The following UACA variants were observed in gnomAD, a reference collection of about 807,000 sequenced individuals.
UACA encodes the protein uveal autoantigen with coiled-coil domains and ankyrin repeats.
Under a neutral mutation model 160.5 loss-of-function variants are expected in UACA, and 112 were observed. The observed-to-expected ratio is 0.70, with a 90% CI of 0.60 to 0.82. The LOEUF is 0.82. Among genes scored for constraint, UACA ranks in the 40% least tolerant of loss-of-function variants. The pLI is 0.00. For synonymous variants in UACA, 557 were observed against 568.4 expected (o/e 0.98, Z 0.29); for missense variants, 1,574 against 1,614.6 (o/e 0.97, Z 0.43).
chr15:70,667,509 T>C lies in UACA; in HGVS notation c.3175A>G (p.Arg1059Gly). Residue 1059 changes from arginine (R) to glycine (G), a missense_variant, in exon 16 of 19, where the codon AGA becomes GGA. Transcript: ENST00000322954. ...VLIEKSHEMERALSRKTDELN... is the reference protein window; with the variant it reads ...VLIEKSHEMEGALSRKTDELN... ...TCGTCTGTTTTTCTGCTTAATGCTC[T>C]TTCCATTTCATGAGACTTCTCAATG... The C allele has an allele frequency of 6.2e-7, 1 of 1,612,612 alleles. No individual in the cohort carries two copies. Among genetic ancestry groups the C allele is most frequent in the Non-Finnish European group, 8.5e-7 (1 of 1,179,932 alleles).
At position 70,763,418 on chromosome 15, in the gene UACA, T is replaced by C. The variant is rs919920009; in HGVS notation, c.-11A>G. On this transcript the variant is annotated 5_prime_UTR_variant, in exon 1 of 19. Transcript: ENST00000322954. ...CTTGAGGCTCTTCATGGCTAACTCT[T>C]GCCTGGCCCCCGCGCGAACCTTAAA... The C allele has an allele frequency of 1.5e-6, 2 of 1,300,654 alleles. No individual in the cohort carries two copies. 80.6% of individuals were successfully genotyped at this position (1,300,654 alleles called of 1,614,324 possible).
chr15:70,761,440 C>T (rs2030747435), intron 1 of UACA, among the ~76,000 whole-genome samples: 2 of 151,130 alleles, frequency 1.3e-5, no homozygotes, highest in African/African-American at 2.4e-5. Context: ...ACAATAAATA[C>T]ATATACATGT....
At chr15:70,698,498 A>C (rs1898212605) in intron 2 of UACA, among the ~76,000 whole-genome samples, 1 of 152,218 alleles carries the variant, frequency 6.6e-6, no homozygotes, top group Non-Finnish European at 1.5e-5. Context: ...GCTACTTGAT[A>C]AAAGTGAAAC....
At chr15:70,759,164 T>C (rs1037246051) in intron 1 of UACA, among the ~76,000 whole-genome samples, 2 of 152,210 alleles carry the variant, frequency 1.3e-5, no homozygotes, top group African/African-American at 4.8e-5. Flanking sequence ...ACAATATCTG[T>C]TTGCAGCACT....
chr15:70,668,718 C>T lies in UACA; in HGVS notation c.1966G>A (p.Glu656Lys), dbSNP rs780109504. ...KAKKLVEMER[E>K]HEKSLSEIRQ... The stretch of plus-strand genomic sequence containing the variant: ...ATTTCACTAAGTGATTTTTCATGTT[C>T]TCTTTCCATTTCTACTAATTTTTTT... The change falls in exon 16 of 19, where the codon GAA (glutamate) becomes AAA (lysine). Residue 656 changes from glutamate (E) to lysine (K), a missense_variant. Physicochemically the swap from Glu to Lys is moderately conservative, Grantham distance 56. Coordinates refer to ENST00000322954, the MANE Select transcript of UACA (RefSeq NM_018003.4). 1.2e-6 allele frequency: 2 copies of T among 1,613,800 alleles called. No homozygotes were observed. Among genetic ancestry groups the T allele is most frequent in the South Asian group, 2.2e-5 (2 of 91,018 alleles).
chr15:70,671,979 C>T lies in UACA; in HGVS notation c.1154G>A (p.Ser385Asn). Residue 385 changes from serine to asparagine, a missense_variant, in exon 14 of 19, where the codon AGT (serine) becomes AAT (asparagine). Coordinates refer to ENST00000322954, the MANE Select transcript of UACA (RefSeq NM_018003.4). Reference sequence around the variant, plus strand: ...TTTATACTTACGGTTACTGAAATGACTTCCTGATCCTAAATGATCACTCTG... The same window carrying T: ...TTTATACTTACGGTTACTGAAATGATTTCCTGATCCTAAATGATCACTCTG... ...YFESDHLGSG[S>N]HFSNRKEDML... 6.3e-7 allele frequency: 1 copy of T among 1,594,472 alleles called. No homozygotes were observed.
At chr15:70,697,386 G>A (rs1241168827) in intron 2 of UACA, among the ~76,000 whole-genome samples, 1 of 152,208 alleles carries the variant, frequency 6.6e-6, no homozygotes, top group Non-Finnish European at 1.5e-5. Context: ...GGAGTCCACT[G>A]TTCTCCAAGT....
intron 3 of UACA, among the ~76,000 whole-genome samples, chr15:70,692,756 G>A (rs558824130): frequency 1.9e-4 from 29 of 152,184 alleles, no homozygotes; most frequent in Admixed American, 3.3e-4. Flanking sequence ...GTGACTGAGC[G>A]AAATCCTGTC....
At chr15:70,742,480 A>G (rs1899566665) in intron 1 of UACA, among the ~76,000 whole-genome samples, 2 of 152,274 alleles carry the variant, frequency 1.3e-5, no homozygotes, top group Non-Finnish European at 2.9e-5. Flanking sequence ...AACACTTGAC[A>G]GCAAGAGTCT....
chr15:70,676,607 A>G lies in UACA; in HGVS notation c.1033-16T>C. The G allele has an allele frequency of 6.3e-7, 1 of 1,592,652 alleles. No homozygotes were observed. Among genetic ancestry groups the G allele is most frequent in the Admixed American group, 1.7e-5 (1 of 59,572 alleles). ...GCTTTTCTCTCTGAAATGAAACAGA[A>G]TAAATACAGTAAAATCACCCTGTGC... is the stretch of plus-strand genomic sequence containing the variant. On this transcript the variant is annotated splice_polypyrimidine_tract_variant and intron_variant, in intron 12 of 18. Coordinates refer to ENST00000322954, the MANE Select transcript of UACA (RefSeq NM_018003.4).
In UACA at chr15:70,654,792, G is replaced by A. The variant is rs1183800036; in HGVS notation, c.*2264C>T. ...TTCTTTCCTCTTGGCCATATGTTCA[G>A]GTCTCATAGTCTTTCTGAACACAGA... On this transcript the variant is annotated 3_prime_UTR_variant, in exon 19 of 19. Coordinates refer to ENST00000322954, the MANE Select transcript of UACA (RefSeq NM_018003.4). 2 of 152,194 alleles carry A rather than the reference G, an allele frequency of 1.3e-5. No individual in the cohort carries two copies. The highest frequency in any genetic ancestry group is 2.4e-5 in the African/African-American group (1 of 41,444). 9.4% of individuals were successfully genotyped at this position (152,194 alleles called of 1,614,324 possible).
intron 2 of UACA, among the ~76,000 whole-genome samples, chr15:70,695,346 C>T (rs1898092946): frequency 6.6e-6 from 1 of 152,050 alleles, no homozygotes. Context: ...TACTAATGTG[C>T]AAAAGCCTTA....
At position 70,752,535 on chromosome 15, in the gene UACA, C is replaced by G. The variant is rs542481774; in HGVS notation, c.78+10795G>C. On this transcript the variant is annotated intron_variant, in intron 1 of 18. Transcript: ENST00000322954. ...GTTCTTGTTCTCTCTCCCCTCCCCCCCACCACTTATCTCTCTCTCTCTCTA... is the reference window on the plus strand; with the variant it reads ...GTTCTTGTTCTCTCTCCCCTCCCCCGCACCACTTATCTCTCTCTCTCTCTA... Among the ~76,000 whole-genome samples, 124 of 152,048 alleles carry G rather than the reference C, an allele frequency of 8.2e-4. 1 individual carries two copies. In the Middle Eastern group the frequency reaches 0.014, roughly 17 times the overall value.
intron 1 of UACA, among the ~76,000 whole-genome samples, chr15:70,751,401 T>A (rs1227467439): frequency 6.6e-6 from 1 of 152,224 alleles, no homozygotes; most frequent in African/African-American, 2.4e-5. Context: ...AAGATTGCTG[T>A]CAATCTGGTT....
At chr15:70,729,956 A>G (rs1407093360) in intron 1 of UACA, among the ~76,000 whole-genome samples, 1 of 100,632 alleles carries the variant, frequency 9.9e-6, no homozygotes, top group Non-Finnish European at 1.9e-5. Flanking sequence ...GAAAACTAAC[A>G]ACCAGAAAGG....
At chr15:70,727,561 T>C (rs1406789525) in intron 1 of UACA, among the ~76,000 whole-genome samples, 3 of 152,222 alleles carry the variant, frequency 2.0e-5, no homozygotes, top group Non-Finnish European at 2.9e-5. Flanking sequence ...TAACAACCTA[T>C]TTATAAATTA....
chr15:70,775,073 A>G, the UACA span, among the ~76,000 whole-genome samples: 2 of 152,166 alleles, frequency 1.3e-5, no homozygotes, highest in East Asian at 3.8e-4. Flanking sequence ...AAGAAAAAAA[A>G]GAAAATTAAA....
At chr15:70,775,085 T>C in the UACA span, among the ~76,000 whole-genome samples, 1 of 151,916 alleles carries the variant, frequency 6.6e-6, no homozygotes, top group South Asian at 2.1e-4. Context: ...AAAATTAAAA[T>C]ACTTCAGACA....
At chr15:70,657,357 T>C (rs1030641633) in intron 18 of UACA, among the ~76,000 whole-genome samples, 4 of 152,170 alleles carry the variant, frequency 2.6e-5, no homozygotes, top group Non-Finnish European at 4.4e-5. Flanking sequence ...ACGCCTGCAA[T>C]CCCAGCACTT....
Sources: gnomAD v4.1 joint callset for allele counts (sites outside exome capture counted in the v4.1 genomes callset) on GRCh38, gnomAD v4.1.1 for gene constraint, MANE v1.5 for transcripts, NCBI Gene and HGNC (gene_info 2026-07-23, HGNC 2026-07-21) for gene names.